Variants in EYS observed in about 807,000 individuals in gnomAD.
EYS encodes the protein EGF-like photoreceptor maintenance factor, also known as protein eyes shut homolog.
In EYS, 250 loss-of-function variants were observed where a neutral mutation model predicts 282.1. The observed-to-expected ratio is 0.89, with a 90% CI of 0.80 to 0.98. The LOEUF (loss-of-function observed/expected upper bound fraction) is 0.98, where lower values mean the gene tolerates loss of function less well. Ranked by LOEUF, EYS falls within the 50% of genes least tolerant of loss-of-function variation. The pLI, the probability that EYS is intolerant of heterozygous loss-of-function variation, is 0.00. For synonymous variants in EYS, 1,355 were observed against 1,282.9 expected (o/e 1.06, Z -1.20); for missense variants, 4,016 against 3,709.0 (o/e 1.08, Z -2.15).
chr6:64,456,669 G>T lies in EYS; in HGVS notation c.5645-17317C>A, dbSNP rs201225280. 2.6e-5 allele frequency among the ~76,000 whole-genome samples: 4 copies of T among 151,932 alleles called. No homozygotes were observed. The East Asian group carries it at 7.7e-4, about 29-fold the overall frequency. ...AACAAAAATTTCATTTATAAAGTGG[G>T]TTTTTTTGCAGGCATATGCTCTAAA... On this transcript the variant is annotated intron_variant, in intron 26 of 42. Coordinates refer to ENST00000503581, the MANE Select transcript of EYS (RefSeq NM_001142800.2).
chr6:63,860,375 A>G (rs936233349), intron 36 of EYS, among the ~76,000 whole-genome samples: 1 of 152,224 alleles, frequency 6.6e-6, no homozygotes, highest in Non-Finnish European at 1.5e-5. Flanking sequence ...GTCACCTAAG[A>G]TGCCTGCTAA....
At chr6:65,190,500 T>C (rs1765616624) in intron 12 of EYS, among the ~76,000 whole-genome samples, 1 of 151,470 alleles carries the variant, frequency 6.6e-6, no homozygotes, top group African/African-American at 2.4e-5. Flanking sequence ...ACCTACTGTG[T>C]CTGACGAATA....
At position 63,834,008 on chromosome 6, in the gene EYS, T is replaced by A. The variant is rs529333645; in HGVS notation, c.7229-27636A>T. Reference sequence around the variant, plus strand: ...GTTCTGGGAAAACTGGCTAGCCATATGTAGAAAGCTGAAACTGGATTCCTT... The same window carrying A: ...GTTCTGGGAAAACTGGCTAGCCATAAGTAGAAAGCTGAAACTGGATTCCTT... On this transcript the variant is annotated intron_variant, in intron 36 of 42. Coordinates refer to ENST00000503581, the MANE Select transcript of EYS (RefSeq NM_001142800.2). Among the ~76,000 whole-genome samples, 1,142 of 152,330 alleles carry A rather than the reference T, an allele frequency of 7.5e-3. 19 individuals are homozygous for A. The highest frequency in any genetic ancestry group is 0.026 in the African/African-American group (1,072 of 41,574).
At chr6:65,266,842 A>G (rs549654518) in intron 12 of EYS, among the ~76,000 whole-genome samples, 1 of 151,262 alleles carries the variant, frequency 6.6e-6, no homozygotes, top group South Asian at 2.1e-4. Flanking sequence ...GAAAATTTTA[A>G]ATTAACATTT....
At chr6:65,009,794 G>A (rs1020572174) in intron 13 of EYS, among the ~76,000 whole-genome samples, 3 of 152,146 alleles carry the variant, frequency 2.0e-5, no homozygotes, top group African/African-American at 7.2e-5. Flanking sequence ...TCTGCTCACA[G>A]CAGTTTAAAT....
At chr6:65,373,992 T>C (rs947803657) in intron 8 of EYS, among the ~76,000 whole-genome samples, 1 of 152,162 alleles carries the variant, frequency 6.6e-6, no homozygotes. Flanking sequence ...CTGCGTATGC[T>C]TTTATGTTCT....
At chr6:64,503,218 C>A (rs936240128) in intron 26 of EYS, among the ~76,000 whole-genome samples, 3 of 152,108 alleles carry the variant, frequency 2.0e-5, no homozygotes, top group Non-Finnish European at 4.4e-5. Flanking sequence ...TCTATGGAAA[C>A]ATTTGGCAGT....
rs76512354 is a variant in EYS at position 65,143,941 on chromosome 6, A to T, written c.2024-86214T>A. 3.7e-3 allele frequency among the ~76,000 whole-genome samples: 558 copies of T among 152,092 alleles called. 3 individuals are homozygous for T. Among genetic ancestry groups the T allele is most frequent in the African/African-American group, 0.012 (519 of 41,532 alleles). On this transcript the variant is annotated intron_variant, in intron 12 of 42. Transcript: ENST00000503581. ...TCTTTTCTTCCTTTTTTTTCCTATT[A>T]TTGTACAACAGTGAGTTCCTCAGTA...
intron 22 of EYS, among the ~76,000 whole-genome samples, chr6:64,697,618 A>G (rs1770627494): frequency 6.6e-6 from 1 of 152,178 alleles, no homozygotes; most frequent in South Asian, 2.1e-4. Flanking sequence ...ATTCTCCAAG[A>G]GAGGCCATAT....
intron 26 of EYS, among the ~76,000 whole-genome samples, chr6:64,546,943 G>C (rs1764893292): frequency 2.6e-5 from 4 of 152,122 alleles, no homozygotes; most frequent in Admixed American, 2.6e-4. Context: ...AGAATTGGTG[G>C]GTTCTTGGTC....
At chr6:65,276,883 A>C (rs1382618707) in intron 12 of EYS, among the ~76,000 whole-genome samples, 1 of 152,164 alleles carries the variant, frequency 6.6e-6, no homozygotes, top group African/African-American at 2.4e-5. Context: ...ATTTTGGTAT[A>C]AATATGTGCA....
chr6:65,165,811 A>G (rs759868902), intron 12 of EYS, among the ~76,000 whole-genome samples: 1 of 151,180 alleles, frequency 6.6e-6, no homozygotes. Flanking sequence ...ACAATTTTCC[A>G]TATAGAAAAT....
At chr6:63,952,733 C>A (rs139533222) in intron 35 of EYS, among the ~76,000 whole-genome samples, 8,237 of 152,188 alleles carry the variant, frequency 0.054, 283 homozygotes, top group South Asian at 0.14. Context: ...TCAAAGCCTC[C>A]TTCACATCCT....
chr6:65,613,943 A>T (rs1277067022), intron 2 of EYS, among the ~76,000 whole-genome samples: 1 of 152,006 alleles, frequency 6.6e-6, no homozygotes, highest in African/African-American at 2.4e-5. Context: ...CTAAATTAAT[A>T]AAGTTGGAAA....
At chr6:64,053,376 TAAG>T (rs1322218882) in intron 33 of EYS, among the ~76,000 whole-genome samples, 2 of 152,098 alleles carry the variant, frequency 1.3e-5, no homozygotes, top group Non-Finnish European at 2.9e-5. Context: ...ATTAAAAACA[TAAG>T]AAAATTTTGA....
intron 12 of EYS, among the ~76,000 whole-genome samples, chr6:65,146,109 T>C (rs2150211946): frequency 6.6e-6 from 1 of 151,944 alleles, no homozygotes; most frequent in Middle Eastern, 3.4e-3. Flanking sequence ...AAGAGTATAT[T>C]TAAAGTAAAT....
intron 11 of EYS, 54 bp downstream of exon 11, chr6:65,334,926 T>G (rs764931610): frequency 2.0e-6 from 3 of 1,525,624 alleles, no homozygotes; most frequent in Non-Finnish European, 2.7e-6. Context: ...GACTATCAAT[T>G]TAATTATAAC....
In EYS at chr6:64,590,545, C is replaced by G. The variant is rs2149831249; in HGVS notation, c.5322G>C (p.Leu1774=). The change falls in exon 26 of 43, where the codon CTG becomes CTC. Residue 1774 remains leucine, a synonymous_variant. Transcript: ENST00000503581. ...ITHANDFKNN[L]PPLTGSVPDF... is the part of the protein sequence containing the mutation. ...CAGGCACTGAGCCTGTCAATGGTGG[C>G]AGATTATTTTTGAAGTCATTTGCAT... The G allele has an allele frequency of 1.9e-6, 3 of 1,551,274 alleles. No individual in the cohort carries two copies. Among genetic ancestry groups the G allele is most frequent in the East Asian group, 4.9e-5 (2 of 40,890 alleles).
intron 33 of EYS, among the ~76,000 whole-genome samples, chr6:64,065,394 G>A (rs1413253722): frequency 6.6e-6 from 1 of 152,112 alleles, no homozygotes; most frequent in African/African-American, 2.4e-5. Flanking sequence ...AAAAATTTGA[G>A]CTATACTGAT....
Sources: allele counts gnomAD v4.1 joint callset (sites outside exome capture counted in the v4.1 genomes callset), GRCh38; gene constraint gnomAD v4.1.1; transcripts MANE v1.5; gene names NCBI Gene and HGNC (gene_info 2026-07-23, HGNC 2026-07-21).